CWC27: variants seen among roughly 807,000 people sequenced by gnomAD.
The protein encoded by CWC27 is spliceosome-associated protein CWC27 homolog.
Under a neutral mutation model 63.6 loss-of-function variants are expected in CWC27, and 47 were observed. The ratio of observed to expected loss-of-function variants is 0.74; its 90% confidence interval spans 0.58 to 0.94. The LOEUF is 0.94. CWC27 is among the 40% of genes least tolerant of loss of function. CWC27 has a pLI of 0.00. For synonymous variants in CWC27, 175 were observed against 179.8 expected (o/e 0.97, Z 0.22); for missense variants, 495 against 554.3 (o/e 0.89, Z 1.07).
intron 10 of CWC27, among the ~76,000 whole-genome samples, chr5:64,818,986 A>G (rs1003378905): frequency 1.3e-5 from 2 of 152,186 alleles, no homozygotes; most frequent in Non-Finnish European, 2.9e-5. Context: ...CCTAGGTTTT[A>G]TGGTCAATTA....
intron 11 of CWC27, among the ~76,000 whole-genome samples, chr5:64,921,370 T>C (rs566090620): frequency 1.3e-5 from 2 of 152,272 alleles, no homozygotes; most frequent in South Asian, 2.1e-4. Flanking sequence ...TCAGTCTTAG[T>C]GTAGCTCCCA....
chr5:64,970,854 A>T (rs1196896448), intron 11 of CWC27, among the ~76,000 whole-genome samples: 1 of 152,156 alleles, frequency 6.6e-6, no homozygotes, highest in Non-Finnish European at 1.5e-5. Context: ...TAACAAAGAG[A>T]CAACTAACAG....
At chr5:64,782,814 T>C (rs907789142) in intron 3 of CWC27, among the ~76,000 whole-genome samples, 14 of 152,224 alleles carry the variant, frequency 9.2e-5, no homozygotes, top group Non-Finnish European at 1.5e-4. Flanking sequence ...TTCCAGATGA[T>C]AATGGCCTTA....
At chr5:64,954,255 T>C (rs1748762811) in intron 11 of CWC27, among the ~76,000 whole-genome samples, 1 of 152,130 alleles carries the variant, frequency 6.6e-6, no homozygotes, top group Non-Finnish European at 1.5e-5. Context: ...AATATCCTGG[T>C]CTTTCCAGTG....
chr5:65,017,507 C>T (rs892149303), intron 13 of CWC27, among the ~76,000 whole-genome samples: 5 of 152,098 alleles, frequency 3.3e-5, no homozygotes, highest in East Asian at 3.9e-4. Context: ...TACCTTAAGA[C>T]CAGTAAGCTT....
intron 10 of CWC27, among the ~76,000 whole-genome samples, chr5:64,852,061 T>C (rs1313533411): frequency 6.6e-6 from 1 of 152,218 alleles, no homozygotes; most frequent in Admixed American, 6.5e-5. Context: ...TATTGTTACC[T>C]GAATTACTTC....
chr5:64,938,034 C>T (rs1748395911), intron 11 of CWC27, among the ~76,000 whole-genome samples: 1 of 151,208 alleles, frequency 6.6e-6, no homozygotes, highest in African/African-American at 2.4e-5. Context: ...ATACAGCACA[C>T]CAATGGGTCT....
At position 64,977,980 on chromosome 5, in the gene CWC27, A is replaced by G. The variant is rs374455937; in HGVS notation, c.1256+742A>G. Among the ~76,000 whole-genome samples, 33 of 152,236 alleles carry G rather than the reference A, an allele frequency of 2.2e-4. No individual in the cohort carries two copies. The East Asian group carries it at 3.3e-3, about 15-fold the overall frequency. ...AGCAAGCCAATGTATCACCCCCTAC[A>G]CATGACTCACCCTCTGGAGCCTCTG... On this transcript the variant is annotated intron_variant, in intron 13 of 13. Transcript: ENST00000381070.
At chr5:64,905,812 A>G (rs1747624257) in intron 11 of CWC27, among the ~76,000 whole-genome samples, 1 of 152,066 alleles carries the variant, frequency 6.6e-6, no homozygotes, top group East Asian at 1.9e-4. Context: ...ATTTCTCCTA[A>G]TGCTGTGCCT....
chr5:64,843,410 G>A (rs980653685), intron 10 of CWC27, among the ~76,000 whole-genome samples: 2 of 152,206 alleles, frequency 1.3e-5, no homozygotes, highest in African/African-American at 4.8e-5. Flanking sequence ...ATATGTGGGA[G>A]TATTGATATT....
At chr5:64,864,642 G>A (rs919755053) in intron 10 of CWC27, among the ~76,000 whole-genome samples, 1 of 152,022 alleles carries the variant, frequency 6.6e-6, no homozygotes, top group African/African-American at 2.4e-5. Flanking sequence ...ATAAATTTCC[G>A]AATTAGGATA....
At chr5:64,949,830 T>C (rs1748670648) in intron 11 of CWC27, among the ~76,000 whole-genome samples, 1 of 152,042 alleles carries the variant, frequency 6.6e-6, no homozygotes, top group Non-Finnish European at 1.5e-5. Context: ...CTAAGATTCC[T>C]GTCCTGATAC....
At chr5:64,794,225 T>C (rs1744178334) in intron 7 of CWC27, among the ~76,000 whole-genome samples, 1 of 152,120 alleles carries the variant, frequency 6.6e-6, no homozygotes, top group African/African-American at 2.4e-5. Flanking sequence ...TGAGACTCTC[T>C]CATGATATTC....
Position 64,885,526 on chromosome 5 carries a change from A to T in CWC27, c.1022A>T (p.Gln341Leu). 1 of 1,601,464 alleles carries T rather than the reference A, an allele frequency of 6.2e-7. No individual in the cohort carries two copies. ...KQKKVENAAK[Q>L]AEKRSEEEEA... Reference sequence around the variant, plus strand: ...AAAAAAGTAGAAAATGCAGCAAAACAAGCAGAAAAAAGAAGTGAAGGTAAG... The same window carrying T: ...AAAAAAGTAGAAAATGCAGCAAAACTAGCAGAAAAAAGAAGTGAAGGTAAG... Residue 341 changes from glutamine to leucine, a missense_variant, in exon 11 of 14, where the codon CAA becomes CTA. Transcript: ENST00000381070.
chr5:65,013,874 G>A lies in CWC27; in HGVS notation c.1257-4285G>A, dbSNP rs146106717. On this transcript the variant is annotated intron_variant, in intron 13 of 13. Coordinates refer to ENST00000381070, the MANE Select transcript of CWC27 (RefSeq NM_005869.4). The stretch of plus-strand genomic sequence containing the variant: ...TAAGTAATTTAAATTCATTTAAATC[G>A]GAAATGAATTGCTAATGTTGGAATT... Among the ~76,000 whole-genome samples the A allele has an allele frequency of 5.2e-3, 793 of 152,118 alleles. 8 individuals are homozygous for A. The highest frequency in any genetic ancestry group is 0.018 in the African/African-American group (737 of 41,512).
intron 1 of CWC27, among the ~76,000 whole-genome samples, chr5:64,774,400 A>G (rs1743367316): frequency 6.6e-6 from 1 of 152,196 alleles, no homozygotes; most frequent in Admixed American, 6.5e-5. Flanking sequence ...CACTTTAGAT[A>G]TTACCGTTTT....
chr5:64,802,502 A>G (rs889903455), intron 9 of CWC27, among the ~76,000 whole-genome samples: 3 of 152,188 alleles, frequency 2.0e-5, no homozygotes, highest in South Asian at 2.1e-4. Context: ...GAAGATCACT[A>G]TTGGCGATAT....
chr5:64,900,748 TAAC>T (rs1405053544), intron 11 of CWC27, among the ~76,000 whole-genome samples: 1 of 152,194 alleles, frequency 6.6e-6, no homozygotes, highest in African/African-American at 2.4e-5. Context: ...ACATATCCCT[TAAC>T]AATGGGGATA....
At chr5:64,794,321 G>T (rs902969090) in intron 7 of CWC27, among the ~76,000 whole-genome samples, 5 of 152,102 alleles carry the variant, frequency 3.3e-5, no homozygotes, top group Non-Finnish European at 7.4e-5. Flanking sequence ...ACCAAAGGGT[G>T]CTTTGTTGTC....
Sources: gnomAD v4.1 joint callset for allele counts (sites outside exome capture counted in the v4.1 genomes callset) on GRCh38, gnomAD v4.1.1 for gene constraint, MANE v1.5 for transcripts, NCBI Gene and HGNC (gene_info 2026-07-23, HGNC 2026-07-21) for gene names.